PGM5: variants seen among roughly 807,000 people sequenced by gnomAD.
PGM5 encodes phosphoglucomutase-like protein 5.
A neutral mutation model predicts 59.2 loss-of-function variants in PGM5; 23 were observed. The observed-to-expected ratio is 0.39, with a 90% CI of 0.28 to 0.55. PGM5 has a LOEUF of 0.55. PGM5 is among the 20% of genes least tolerant of loss of function. The probability of loss-of-function intolerance (pLI) is 0.66; values close to 1 mark genes in which losing one functional copy is unlikely to be tolerated. For missense variants in PGM5, 574 were observed against 748.3 expected, an observed-to-expected ratio of 0.77 and a Z score of 2.72; for synonymous variants, 214 against 286.0, an observed-to-expected ratio of 0.75 and a Z score of 2.54.
rs72293391 is a variant in PGM5, at chr9:68,484,541, AACACACACACACACACAC to A, written c.1479+513_1479+530del. Among the ~76,000 whole-genome samples the A allele has an allele frequency of 5.4e-4, 71 of 132,334 alleles. 1 individual carries two copies. The highest frequency in any genetic ancestry group is 1.9e-3 in the African/African-American group (64 of 33,594). 86.8% of individuals were successfully genotyped at this position (132,334 alleles called of 152,430 possible). A position where few individuals can be genotyped will look rare whatever the true frequency, so the allele number is the denominator to read the frequency against. On this transcript the variant is annotated intron_variant, in intron 9 of 10. Coordinates refer to ENST00000396396, the MANE Select transcript of PGM5 (RefSeq NM_021965.4). ...GGAGACAAAGTGAGACCATGTCTCA[AACACACACACACACACAC>A]ACACACACACACACACACAAAACAA...
Position 68,433,325 on chromosome 9 carries a change from T to G in PGM5, c.1044-31768T>G, listed in dbSNP as rs116022095. 6.9e-3 allele frequency among the ~76,000 whole-genome samples: 1,046 copies of G among 152,346 alleles called. 5 individuals carry two copies. Among genetic ancestry groups the G allele is most frequent in the African/African-American group, 0.024 (983 of 41,584 alleles). ...ATGACCTCTGTGTTCCAATGTCCCA[T>G]GAGCCTTTACCTTTACAAATTGATT... On this transcript the variant is annotated intron_variant, in intron 6 of 10. Coordinates refer to ENST00000396396, the MANE Select transcript of PGM5 (RefSeq NM_021965.4).
At chr9:68,397,013 G>T (rs782731799) in intron 6 of PGM5, 1 of 152,616 alleles carries the variant, frequency 6.6e-6, no homozygotes, top group African/African-American at 2.4e-5. Context: ...CTCCCCAAGG[G>T]AAGATTTTCA....
intron 10 of PGM5, among the ~76,000 whole-genome samples, chr9:68,505,612 C>T (rs1175297198): frequency 6.6e-6 from 1 of 152,188 alleles, no homozygotes; most frequent in East Asian, 1.9e-4. Flanking sequence ...AGGCTAGAAC[C>T]CAGAACCAGC....
intron 6 of PGM5, among the ~76,000 whole-genome samples, chr9:68,426,474 CTAA>C (rs1384547438): frequency 6.6e-6 from 1 of 152,102 alleles, no homozygotes; most frequent in Non-Finnish European, 1.5e-5. Context: ...CTTTTCATAT[CTAA>C]TGTTATAGTT....
rs576474136 is a variant in PGM5, at chr9:68,357,608, C to A, written c.261+220C>A. The A allele has an allele frequency of 7.4e-5, 53 of 720,874 alleles. No homozygotes were observed. In the Admixed American group the frequency reaches 1.6e-3, roughly 22 times the overall value. 44.7% of individuals were successfully genotyped at this position (720,874 alleles called of 1,614,324 possible). On this transcript the variant is annotated intron_variant, in intron 1 of 10. Transcript: ENST00000396396. Reference sequence around the variant, plus strand: ...TGGGTTCTATTAGTACCCACCGCCCCCAAAAGCCTTGAGGGGTTTCCGTCG... The same window carrying A: ...TGGGTTCTATTAGTACCCACCGCCCACAAAAGCCTTGAGGGGTTTCCGTCG...
At chr9:68,503,276 T>C (rs1255723191) in intron 10 of PGM5, among the ~76,000 whole-genome samples, 3 of 152,230 alleles carry the variant, frequency 2.0e-5, no homozygotes, top group Non-Finnish European at 4.4e-5. Flanking sequence ...TGAATACACC[T>C]AGACTGCAGA....
intron 6 of PGM5, among the ~76,000 whole-genome samples, chr9:68,411,480 G>GTA (rs1334617460): frequency 3.5e-5 from 3 of 85,284 alleles, no homozygotes; most frequent in Non-Finnish European, 8.2e-5. Flanking sequence ...GTGTGTGTGT[G>GTA]TGTGTGTGTA....
At chr9:68,429,401 C>T (rs149698643) in intron 6 of PGM5, 4 of 152,038 alleles carry the variant, frequency 2.6e-5, no homozygotes, top group Non-Finnish European at 2.9e-5. Flanking sequence ...AACAAAAAAA[C>T]CAATCCAGAT....
intron 9 of PGM5, among the ~76,000 whole-genome samples, chr9:68,494,113 T>G (rs1372823599): frequency 1.3e-5 from 2 of 152,086 alleles, no homozygotes; most frequent in Non-Finnish European, 2.9e-5. Context: ...CTTTTTTGAG[T>G]GTGTGGCTAT....
chr9:68,365,504 G>A (rs1834662815), intron 1 of PGM5, among the ~76,000 whole-genome samples: 1 of 152,060 alleles, frequency 6.6e-6, no homozygotes, highest in African/African-American at 2.4e-5. Flanking sequence ...CCTTCTCTGA[G>A]TCTTCAAATA....
intron 7 of PGM5, among the ~76,000 whole-genome samples, chr9:68,473,436 G>A (rs1462589797): frequency 2.0e-5 from 3 of 152,248 alleles, no homozygotes; most frequent in Admixed American, 2.0e-4. Flanking sequence ...AAGTCCATAG[G>A]CTTTGGAGCC....
chr9:68,492,433 T>C (rs1450020004), intron 9 of PGM5, among the ~76,000 whole-genome samples: 1 of 152,194 alleles, frequency 6.6e-6, no homozygotes, highest in East Asian at 1.9e-4. Flanking sequence ...AAGGAGTCAC[T>C]TGACCTTGAT....
chr9:68,519,670 A>G (rs544433289), intron 10 of PGM5, among the ~76,000 whole-genome samples: 1 of 151,850 alleles, frequency 6.6e-6, no homozygotes, highest in South Asian at 2.1e-4. Flanking sequence ...ATTAAAAAAA[A>G]AAAGAAAAAC....
intron 10 of PGM5, among the ~76,000 whole-genome samples, chr9:68,526,032 G>C (rs551550970): frequency 1.6e-3 from 237 of 151,738 alleles, no homozygotes; most frequent in Admixed American, 2.4e-3. Context: ...CTCCAGCCTG[G>C]GCGACAGAGT....
At position 68,437,932 on chromosome 9, in the gene PGM5, C is replaced by G. The variant is rs1823465707; in HGVS notation, c.1044-27161C>G. 6.6e-6 allele frequency among the ~76,000 whole-genome samples: 1 copy of G among 152,136 alleles called. No individual in the cohort carries two copies. The highest frequency in any genetic ancestry group is 2.4e-5 in the African/African-American group (1 of 41,424). ...TAATTCTCTGTTGTCACATATCCAG[C>G]TGGCTGCTTTACCACACATCACGTG... On this transcript the variant is annotated intron_variant, in intron 6 of 10. Coordinates refer to ENST00000396396, the MANE Select transcript of PGM5 (RefSeq NM_021965.4). The surrounding 1 kb of genome is among the most constrained non-coding windows in gnomAD (Gnocchi z 4.1).
At chr9:68,510,019 G>C (rs1182056609) in intron 10 of PGM5, among the ~76,000 whole-genome samples, 1 of 152,030 alleles carries the variant, frequency 6.6e-6, no homozygotes, top group Non-Finnish European at 1.5e-5. Context: ...CAGAGGAAAA[G>C]ATAAAACCAC....
intron 4 of PGM5, among the ~76,000 whole-genome samples, chr9:68,389,282 G>C (rs1332756834): frequency 6.6e-6 from 1 of 151,956 alleles, no homozygotes; most frequent in Non-Finnish European, 1.5e-5. Flanking sequence ...ACTCACTCCT[G>C]GTAGGTATAC....
chr9:68,489,521 A>C (rs1260160531), intron 9 of PGM5, among the ~76,000 whole-genome samples: 1 of 144,086 alleles, frequency 6.9e-6, no homozygotes. Context: ...GCTGGAGTGC[A>C]GTGGTGTGAT....
At chr9:68,371,880 G>C (rs549438161) in intron 1 of PGM5, among the ~76,000 whole-genome samples, 1 of 152,326 alleles carries the variant, frequency 6.6e-6, no homozygotes, top group Admixed American at 6.5e-5. Context: ...CAGAGGCAGA[G>C]ACTGGAGTGA....
Sources: allele counts gnomAD v4.1 joint callset (sites outside exome capture counted in the v4.1 genomes callset), GRCh38; gene constraint gnomAD v4.1.1; non-coding constraint Gnocchi (gnomAD v3.1); transcripts MANE v1.5; gene names NCBI Gene and HGNC (gene_info 2026-07-23, HGNC 2026-07-21).